PRKAR2A: variants seen among roughly 807,000 people sequenced by gnomAD.
The protein encoded by PRKAR2A is cAMP-dependent protein kinase type II-alpha regulatory subunit.
PRKAR2A carries 29 observed loss-of-function variants against 51.9 expected under a neutral mutation model. The observed-to-expected ratio is 0.56, with a 90% CI of 0.42 to 0.76. PRKAR2A has a LOEUF of 0.76. Among genes scored for constraint, PRKAR2A ranks in the 30% least tolerant of loss-of-function variants. The pLI is 0.00. For missense variants in PRKAR2A, 445 were observed against 512.1 expected (o/e 0.87, Z 1.26); for synonymous variants, 178 against 186.2 (o/e 0.96, Z 0.36).
intron 5 of PRKAR2A, among the ~76,000 whole-genome samples, chr3:48,781,454 G>A (rs1458683187): frequency 6.6e-6 from 1 of 151,492 alleles, no homozygotes; most frequent in Non-Finnish European, 1.5e-5. Context: ...CAACTCTCCT[G>A]CCTCAGCCTC....
At chr3:48,817,213 C>G (rs1575924106) in intron 1 of PRKAR2A, among the ~76,000 whole-genome samples, 3 of 151,544 alleles carry the variant, frequency 2.0e-5, no homozygotes, top group Admixed American at 2.0e-4. Context: ...TGTAGTCCCA[C>G]CGATTCGGGA....
At chr3:48,759,929 G>C (rs2081838324) in intron 8 of PRKAR2A, among the ~76,000 whole-genome samples, 1 of 152,100 alleles carries the variant, frequency 6.6e-6, no homozygotes, top group Non-Finnish European at 1.5e-5. Context: ...TTAATGCAAT[G>C]GTACTTTAAT....
Position 48,783,589 on chromosome 3 carries a change from T to C in PRKAR2A, c.436-497A>G, listed in dbSNP as rs570146753. On this transcript the variant is annotated intron_variant, in intron 4 of 10. Coordinates refer to ENST00000265563, the MANE Select transcript of PRKAR2A (RefSeq NM_004157.4). ...GAGCTTCAGTATCTTGTTTGTTTTTTTTTGTTCTGGAGACGGAGTCTCACT... is the reference window on the plus strand; with the variant it reads ...GAGCTTCAGTATCTTGTTTGTTTTTCTTTGTTCTGGAGACGGAGTCTCACT... 5.9e-5 allele frequency among the ~76,000 whole-genome samples: 9 copies of C among 152,158 alleles called. No individual in the cohort carries two copies. In the South Asian group the frequency reaches 1.9e-3, roughly 31 times the overall value.
intron 1 of PRKAR2A, among the ~76,000 whole-genome samples, chr3:48,840,766 C>T (rs2083366786): frequency 6.7e-6 from 1 of 148,390 alleles, no homozygotes; most frequent in Non-Finnish European, 1.5e-5. Flanking sequence ...TTAGTAGAGA[C>T]GGAATTTCAC....
chr3:48,812,454 T>G (rs549380825), intron 1 of PRKAR2A, among the ~76,000 whole-genome samples: 68 of 152,154 alleles, frequency 4.5e-4, no homozygotes, highest in Middle Eastern at 6.8e-3. Context: ...CCTTTATTCA[T>G]TTGGTGTTAC....
intron 1 of PRKAR2A, among the ~76,000 whole-genome samples, chr3:48,834,034 TAAAA>T (rs569678133): frequency 9.6e-6 from 1 of 104,478 alleles, no homozygotes; most frequent in Non-Finnish European, 2.0e-5. Flanking sequence ...GACTCCGTCT[TAAAA>T]AAAAAAAAAA....
At chr3:48,779,856 T>C (rs11705888) in intron 5 of PRKAR2A, among the ~76,000 whole-genome samples, 98,323 of 150,214 alleles carry the variant, frequency 0.65, 32,971 homozygotes, top group East Asian at 0.96. Flanking sequence ...ATTATATTTA[T>C]AATTTTATTT....
At chr3:48,779,015 T>C (rs1334950698) in intron 5 of PRKAR2A, among the ~76,000 whole-genome samples, 17 of 151,882 alleles carry the variant, frequency 1.1e-4, no homozygotes, top group Admixed American at 1.1e-3. Flanking sequence ...TTAGTAGAGA[T>C]GAGGTTTTGC....
chr3:48,782,533 C>T (rs1226369523), intron 5 of PRKAR2A, among the ~76,000 whole-genome samples: 1 of 151,724 alleles, frequency 6.6e-6, no homozygotes, highest in African/African-American at 2.4e-5. Context: ...GCTAGGATTA[C>T]AGGCGTGAGC....
In PRKAR2A at chr3:48,757,267, G is replaced by T. The variant is rs563658087; in HGVS notation, c.874-823C>A. Among the ~76,000 whole-genome samples the T allele has an allele frequency of 6.6e-5, 10 of 152,210 alleles. No individual in the cohort carries two copies. The South Asian group carries it at 2.1e-3, about 32-fold the overall frequency. On this transcript the variant is annotated intron_variant, in intron 8 of 10. Transcript: ENST00000265563. ...GCTTGAGCCCTTTTTGTTTAGATAG[G>T]TGTATAACATCCACCATTTAAAGTG...
Position 48,765,026 on chromosome 3 carries a change from T to A in PRKAR2A, c.851A>T (p.Asp284Val). The change falls in exon 8 of 11, where the codon GAT becomes GTT. Residue 284 changes from aspartate to valine, a missense_variant. Physicochemically the swap from Asp to Val is radical, Grantham distance 152. Coordinates refer to ENST00000265563, the MANE Select transcript of PRKAR2A (RefSeq NM_004157.4). Reference protein sequence around the residue: ...VDVIGEKIYKDGERIITQGEK... With the variant: ...VDVIGEKIYKVGERIITQGEK... ...CACCTGAGTGATTATGCGTTCTCCA[T>A]CCTTATAGATCTTCTCTCCTATTAC... 6.2e-7 allele frequency: 1 copy of A among 1,614,168 alleles called. No homozygotes were observed. Among genetic ancestry groups the A allele is most frequent in the Non-Finnish European group, 8.5e-7 (1 of 1,180,004 alleles).
rs1239738431 is a variant in PRKAR2A, at chr3:48,749,107, GC to G, written c.*2477del. The G allele has an allele frequency of 6.6e-6, 1 of 152,164 alleles. No individual in the cohort carries two copies. The allele number at this position is 152,164 out of a possible 1,614,324, so 9.4% of individuals were successfully genotyped here. On this transcript the variant is annotated 3_prime_UTR_variant, in exon 11 of 11. Coordinates refer to ENST00000265563, the MANE Select transcript of PRKAR2A (RefSeq NM_004157.4). ...ATTATCTACAATAGAAATGACTCAA[GC>G]CCTAGCATGTAATCTCTTAGGGACT...
At chr3:48,840,404 T>C (rs568277984) in intron 1 of PRKAR2A, among the ~76,000 whole-genome samples, 2 of 151,342 alleles carry the variant, frequency 1.3e-5, no homozygotes, top group South Asian at 2.1e-4. Flanking sequence ...CTGAGGCAAG[T>C]GAACTGCTTG....
At chr3:48,799,639 A>T (rs996304594) in intron 2 of PRKAR2A, among the ~76,000 whole-genome samples, 1 of 152,184 alleles carries the variant, frequency 6.6e-6, no homozygotes, top group Non-Finnish European at 1.5e-5. Context: ...AAGGGCAGGG[A>T]TGTCTGCTGA....
At chr3:48,846,566 G>A (rs2083466326) in intron 1 of PRKAR2A, among the ~76,000 whole-genome samples, 1 of 152,154 alleles carries the variant, frequency 6.6e-6, no homozygotes, top group African/African-American at 2.4e-5. Context: ...TGCCCAGGCT[G>A]GTCTCGAACT....
chr3:48,768,294 AAGAT>A (rs561041221), intron 6 of PRKAR2A, among the ~76,000 whole-genome samples: 6,525 of 140,146 alleles, frequency 0.047, 181 homozygotes, highest in African/African-American at 0.068. Flanking sequence ...ACCGTCTCAA[AAGAT>A]AGATAGATAG....
chr3:48,774,816 CT>C (rs2082081881), intron 5 of PRKAR2A, among the ~76,000 whole-genome samples: 1 of 151,980 alleles, frequency 6.6e-6, no homozygotes, highest in Admixed American at 6.6e-5. Context: ...TTCTTTCTTC[CT>C]TTTTTCCTTG....
At chr3:48,764,953 G>C (rs755842463) in intron 8 of PRKAR2A, 51 bp downstream of exon 8, 98 of 1,524,632 alleles carry the variant, frequency 6.4e-5, no homozygotes, top group Non-Finnish European at 8.8e-5. Context: ...TGATGTACTA[G>C]TTCTTCAGGG....
intron 2 of PRKAR2A, among the ~76,000 whole-genome samples, chr3:48,803,410 G>T (rs1047277021): frequency 5.3e-5 from 8 of 152,034 alleles, no homozygotes; most frequent in Non-Finnish European, 8.8e-5. Flanking sequence ...AGGAGACACT[G>T]TCTTTCTTAT....
Sources: allele counts gnomAD v4.1 joint callset (sites outside exome capture counted in the v4.1 genomes callset), GRCh38; gene constraint gnomAD v4.1.1; transcripts MANE v1.5; gene names NCBI Gene and HGNC (gene_info 2026-07-23, HGNC 2026-07-21).